Variants in TNPO3 observed in about 807,000 individuals in gnomAD.
TNPO3 encodes the protein transportin-3.
TNPO3 carries 65 observed loss-of-function variants against 122.8 expected under a neutral mutation model. The observed-to-expected ratio is 0.53, with a 90% CI of 0.43 to 0.65. TNPO3 has a LOEUF of 0.65. TNPO3 is among the 30% of genes least tolerant of loss of function. TNPO3 has a pLI of 0.00. For synonymous variants in TNPO3, 372 were observed against 411.2 expected, an observed-to-expected ratio of 0.90 and a Z score of 1.15; for missense variants, 850 against 1,136.7, an observed-to-expected ratio of 0.75 and a Z score of 3.63.
intron 1 of TNPO3, among the ~76,000 whole-genome samples, chr7:129,020,167 T>C (rs1336449147): frequency 6.6e-6 from 1 of 151,860 alleles, no homozygotes; most frequent in African/African-American, 2.4e-5. Context: ...AACCTTAGCT[T>C]TCAATGAAAT....
intron 1 of TNPO3, chr7:129,029,981 C>T (rs1190799545): frequency 1.3e-5 from 2 of 152,514 alleles, no homozygotes; most frequent in African/African-American, 2.4e-5. Context: ...GAGCCCAGAT[C>T]ACACCACTGC....
At chr7:128,958,899 G>A (rs1011588906) in intron 21 of TNPO3, among the ~76,000 whole-genome samples, 3 of 152,154 alleles carry the variant, frequency 2.0e-5, no homozygotes, top group East Asian at 1.9e-4. Flanking sequence ...AGCTACTCAC[G>A]AGGCTAAGGC....
rs896101172 is a variant in TNPO3 at position 129,054,866 on chromosome 7, G to C, written c.-96C>G. The C allele has an allele frequency of 1.3e-6, 2 of 1,548,634 alleles. No individual in the cohort carries two copies. Among genetic ancestry groups the C allele is most frequent in the East Asian group, 4.6e-5 (2 of 43,950 alleles). ...CGCGCTTCCTCACTGTCTGGGCCACGGCCGCTCCCTGACTGGCGCCATCTC... is the reference window on the plus strand; with the variant it reads ...CGCGCTTCCTCACTGTCTGGGCCACCGCCGCTCCCTGACTGGCGCCATCTC... On this transcript the variant is annotated 5_prime_UTR_variant, in exon 1 of 23. Transcript: ENST00000265388.
intron 21 of TNPO3, among the ~76,000 whole-genome samples, chr7:128,962,793 T>C (rs1400139872): frequency 6.7e-6 from 1 of 148,408 alleles, no homozygotes; most frequent in Non-Finnish European, 1.5e-5. Flanking sequence ...TTTTCCCATA[T>C]CACAGGACAA....
At chr7:128,962,890 G>T (rs560882593) in intron 21 of TNPO3, among the ~76,000 whole-genome samples, 1 of 152,204 alleles carries the variant, frequency 6.6e-6, no homozygotes, top group Admixed American at 6.5e-5. Flanking sequence ...ATTAGGAAAG[G>T]ATATCTATGA....
intron 1 of TNPO3, among the ~76,000 whole-genome samples, chr7:129,052,014 G>A (rs955448135): frequency 1.3e-5 from 2 of 152,234 alleles, no homozygotes; most frequent in African/African-American, 4.8e-5. Context: ...TAAAGAGAAT[G>A]AAGAGGTAAA....
intron 8 of TNPO3, 129 bp from the exon 9 acceptor site, chr7:128,994,043 G>T: frequency 1.3e-6 from 1 of 747,676 alleles, no homozygotes; most frequent in South Asian, 1.9e-5. Context: ...CCTAAATCAC[G>T]AGGGTATTTT....
At chr7:128,982,009 G>A (rs1799673290) in intron 14 of TNPO3, among the ~76,000 whole-genome samples, 1 of 152,090 alleles carries the variant, frequency 6.6e-6, no homozygotes, top group East Asian at 1.9e-4. Flanking sequence ...GATTACAGGT[G>A]TGAGCCATCG....
intron 4 of TNPO3, 61 bp downstream of exon 4, chr7:129,014,918 C>T: frequency 1.3e-6 from 2 of 1,500,094 alleles, no homozygotes; most frequent in South Asian, 2.7e-5. Context: ...CAATTGATTA[C>T]AAAATAACCG....
chr7:128,994,494 A>G (rs916116719), intron 8 of TNPO3, among the ~76,000 whole-genome samples: 2 of 152,064 alleles, frequency 1.3e-5, no homozygotes, highest in African/African-American at 4.8e-5. Flanking sequence ...TGTTGTTGGA[A>G]AAATGTGGCT....
In TNPO3 at chr7:129,035,580, C is replaced by T. The variant is rs186114228; in HGVS notation, c.121-17423G>A. On this transcript the variant is annotated intron_variant, in intron 1 of 22. Transcript: ENST00000265388. ...GCAGTGAGCCTTGATCACACCATTGCACTCCAGCCTAGATGACAGAGCGAG... is the reference window on the plus strand; with the variant it reads ...GCAGTGAGCCTTGATCACACCATTGTACTCCAGCCTAGATGACAGAGCGAG... Among the ~76,000 whole-genome samples the T allele has an allele frequency of 3.9e-5, 6 of 152,100 alleles. No homozygotes were observed. The East Asian group carries it at 7.7e-4, about 20-fold the overall frequency.
chr7:129,041,584 G>A, intron 1 of TNPO3: 1 of 985,416 alleles, frequency 1.0e-6, no homozygotes, highest in South Asian at 4.7e-5. Context: ...AGCCACAGAT[G>A]CCAGGTGCTA....
In TNPO3 at chr7:128,986,751, T is replaced by C; in HGVS notation, c.1668A>G (p.Glu556=). ...RSLDSFLLSP[E]AAVGLLKGTA... is the part of the protein sequence containing the mutation. ...TACCTTTTAGCAAGCCCACAGCAGC[T>C]TCTGGAGACAACAGGAAGGAATCGA... Residue 556 remains glutamate (E), a synonymous_variant, in exon 12 of 23, where the codon GAA becomes GAG. Transcript: ENST00000265388. 5 of 1,613,522 alleles carry C rather than the reference T, an allele frequency of 3.1e-6. No homozygotes were observed. Among genetic ancestry groups the C allele is most frequent in the Non-Finnish European group, 4.2e-6 (5 of 1,179,728 alleles).
chr7:128,997,288 G>T, intron 8 of TNPO3, 101 bp downstream of exon 8: 1 of 1,331,176 alleles, frequency 7.5e-7, no homozygotes, highest in Non-Finnish European at 1.0e-6. Flanking sequence ...ATGAGCCAGG[G>T]TGCCCAGCCA....
At chr7:128,957,437 T>A in intron 21 of TNPO3, 122 bp from the exon 22 acceptor site, 1 of 940,630 alleles carries the variant, frequency 1.1e-6, no homozygotes, top group Non-Finnish European at 1.7e-6. Flanking sequence ...CTCTCCATCG[T>A]CTCCTGAGCG....
At chr7:128,983,163 G>A (rs180782096) in intron 13 of TNPO3, among the ~76,000 whole-genome samples, 2 of 152,084 alleles carry the variant, frequency 1.3e-5, no homozygotes, top group African/African-American at 4.8e-5. Flanking sequence ...AGGTGCAAGT[G>A]GCCAGCATTA....
At chr7:129,054,042 C>T (rs747922775) in intron 1 of TNPO3, among the ~76,000 whole-genome samples, 1 of 152,078 alleles carries the variant, frequency 6.6e-6, no homozygotes, top group Non-Finnish European at 1.5e-5. Context: ...TAATATGAAA[C>T]AAAATGAGAA....
At chr7:128,962,314 G>C (rs991845116) in intron 21 of TNPO3, among the ~76,000 whole-genome samples, 1 of 148,618 alleles carries the variant, frequency 6.7e-6, no homozygotes, top group African/African-American at 2.5e-5. Flanking sequence ...GCAGTGAGCC[G>C]AGATTGCGCC....
At chr7:128,970,437 G>A in intron 19 of TNPO3, 122 bp from the exon 20 acceptor site, 1 of 860,468 alleles carries the variant, frequency 1.2e-6, no homozygotes, top group Non-Finnish European at 1.8e-6. Flanking sequence ...TGCACGCGTG[G>A]CTGTGTGTGT....
Sources: allele counts gnomAD v4.1 joint callset (sites outside exome capture counted in the v4.1 genomes callset), GRCh38; gene constraint gnomAD v4.1.1; transcripts MANE v1.5; gene names NCBI Gene and HGNC (gene_info 2026-07-23, HGNC 2026-07-21).